Variants in SREBF1 observed in about 807,000 individuals in gnomAD.
SREBF1 encodes sterol regulatory element binding transcription factor 1.
Under a neutral mutation model 100.1 loss-of-function variants are expected in SREBF1, and 45 were observed. The observed-to-expected ratio is 0.45, with a 90% CI of 0.35 to 0.58. The LOEUF is 0.58. Ranked by LOEUF, SREBF1 falls within the 20% of genes least tolerant of loss-of-function variation. SREBF1 has a pLI of 0.00. For synonymous variants in SREBF1, 657 were observed against 681.8 expected, an observed-to-expected ratio of 0.96 and a Z score of 0.57; for missense variants, 1,324 against 1,539.4, an observed-to-expected ratio of 0.86 and a Z score of 2.34.
At position 17,811,595 on chromosome 17, in the gene SREBF1, C is replaced by T; in HGVS notation, c.*1027G>A. 1 of 401,990 alleles carries T rather than the reference C, an allele frequency of 2.5e-6. No homozygotes were observed. The highest frequency in any genetic ancestry group is 4.8e-6 in the Non-Finnish European group (1 of 207,754). The allele number at this position is 401,990 out of a possible 1,614,324, so 24.9% of individuals were successfully genotyped here. A position where few individuals can be genotyped will look rare whatever the true frequency, so the allele number is the denominator to read the frequency against. On this transcript the variant is annotated 3_prime_UTR_variant, in exon 19 of 19. Transcript: ENST00000261646. ...GCCTTTCACAGAACAGGAAACCTCC[C>T]CCGCCCCTGTGCCCCCTCTCCAGTG...
In SREBF1 at chr17:17,817,232, G is replaced by A. The variant is rs749484604; in HGVS notation, c.1606+24C>T. ...GCTCACCCCGAGTGTCCCTCCCAAAGATGCCCAGGCTGGCCGGTCCCACCT... is the reference window on the plus strand; with the variant it reads ...GCTCACCCCGAGTGTCCCTCCCAAAAATGCCCAGGCTGGCCGGTCCCACCT... On this transcript the variant is annotated intron_variant, in intron 8 of 18. Coordinates refer to ENST00000261646, the MANE Select transcript of SREBF1 (RefSeq NM_004176.5). The surrounding 1 kb of genome is among the most constrained non-coding windows in gnomAD (Gnocchi z 6.6). 5 of 1,608,432 alleles carry A rather than the reference G, an allele frequency of 3.1e-6. No homozygotes were observed. The highest frequency in any genetic ancestry group is 2.2e-5 in the South Asian group (2 of 90,662).
At chr17:17,819,508 C>G in intron 3 of SREBF1, 30 bp downstream of exon 3, 1 of 1,613,428 alleles carries the variant, frequency 6.2e-7, no homozygotes. Context: ...GGGGCTGCCC[C>G]CTCCCCAACC....
rs771570816 is a variant in SREBF1 at position 17,836,809 on chromosome 17, C to G, written c.9G>C (p.Glu3Asp). 1.4e-5 allele frequency: 22 copies of G among 1,538,246 alleles called. No homozygotes were observed. In the South Asian group the frequency reaches 2.5e-4, roughly 18 times the overall value. Residue 3 changes from glutamate (E) to aspartate (D), a missense_variant, in exon 1 of 19, where the codon GAG becomes GAC. Coordinates refer to ENST00000261646, the MANE Select transcript of SREBF1 (RefSeq NM_004176.5). MD[E>D]PPFSEAALEQ... ...CCAAAGCCGCCTCGCTGAAGGGTGG[C>G]TCGTCCATGGCGCAGCCGCCTCCTC...
rs138341129 is a variant in SREBF1 at position 17,829,045 on chromosome 17, T to A, written c.91+7682A>T. 3.3e-3 allele frequency among the ~76,000 whole-genome samples: 493 copies of A among 151,600 alleles called. 6 individuals carry two copies. Among genetic ancestry groups the A allele is most frequent in the African/African-American group, 0.011 (448 of 41,172 alleles). On this transcript the variant is annotated intron_variant, in intron 1 of 18. Transcript: ENST00000261646. The stretch of plus-strand genomic sequence containing the variant: ...CAGCCTCTACTAAAAATACAAAAAT[T>A]AGCTGGGCGTGGTGGTATGTGCCTA...
intron 1 of SREBF1, among the ~76,000 whole-genome samples, chr17:17,828,858 G>A (rs200324670): frequency 4.6e-5 from 7 of 152,064 alleles, no homozygotes; most frequent in East Asian, 1.9e-4. Context: ...ACATTGCAGC[G>A]AGCTGTGATT....
At chr17:17,831,367 G>A (rs1293353515) in intron 1 of SREBF1, among the ~76,000 whole-genome samples, 1 of 152,002 alleles carries the variant, frequency 6.6e-6, no homozygotes, top group Non-Finnish European at 1.5e-5. Context: ...GGCTGGGCTG[G>A]GCATGCTGGG....
chr17:17,814,365 C>T lies in SREBF1; in HGVS notation c.2781G>A (p.Arg927=). The T allele has an allele frequency of 1.9e-6, 3 of 1,569,726 alleles. No homozygotes were observed. The highest frequency in any genetic ancestry group is 2.6e-6 in the Non-Finnish European group (3 of 1,157,230). The change falls in exon 16 of 19, where the codon CGG becomes CGA. Residue 927 remains arginine (R), a synonymous_variant. Coordinates refer to ENST00000261646, the MANE Select transcript of SREBF1 (RefSeq NM_004176.5). The part of the protein sequence containing the change: ...RAALHSFKAA[R]ALLGCAKAES... ...CTGCCTTGGCACAGCCCAGCAGGGC[C>T]CGGGCAGCCTTGAAGGAGTGCAGAG...
At position 17,817,011 on chromosome 17, in the gene SREBF1, G is replaced by A. The variant is rs534953196; in HGVS notation, c.1732C>T (p.Pro578Ser). The A allele has an allele frequency of 1.9e-6, 3 of 1,613,130 alleles. No homozygotes were observed. The highest frequency in any genetic ancestry group is 2.7e-5 in the African/African-American group (2 of 75,068). The stretch of plus-strand genomic sequence containing the variant: ...CGATGCCTCCAGAAGTACACGGCGG[G>A]GCCTGAGTGGGGCCGTGTGACTGGC... ...GEPVTRPHSG[P>S]AVYFWRHRKQ... is the part of the protein sequence containing the mutation. The change falls in exon 9 of 19, where the codon CCC becomes TCC. Residue 578 changes from proline (P) to serine (S), a missense_variant. By Grantham distance (74) the Pro-to-Ser change is moderately conservative. Coordinates refer to ENST00000261646, the MANE Select transcript of SREBF1 (RefSeq NM_004176.5). The surrounding 1 kb of genome is among the most constrained non-coding windows in gnomAD (Gnocchi z 6.6).
In SREBF1 at chr17:17,820,387, G is replaced by A. The variant is rs1182356197; in HGVS notation, c.226C>T (p.Pro76Ser). 6.2e-7 allele frequency: 1 copy of A among 1,612,522 alleles called. No individual in the cohort carries two copies. The highest frequency in any genetic ancestry group is 1.3e-5 in the African/African-American group (1 of 74,894). Residue 76 changes from proline (P) to serine (S), a missense_variant, in exon 2 of 19, where the codon CCT (proline) becomes TCT (serine). Coordinates refer to ENST00000261646, the MANE Select transcript of SREBF1 (RefSeq NM_004176.5). ...TCAAGAGAGGAGCTCAATGTGGCAG[G>A]AGGTGGAGACAAGCTGCCTGGGGAG... Reference protein sequence around the residue: ...TSSPGSLSPPPATLSSSLEAF... With the variant: ...TSSPGSLSPPSATLSSSLEAF...
At position 17,813,701 on chromosome 17, in the gene SREBF1, G is replaced by A. The variant is rs1246583259; in HGVS notation, c.2970C>T (p.Pro990=). The change falls in exon 17 of 19, where the codon CCC becomes CCT. Residue 990 remains proline (P), a synonymous_variant. Transcript: ENST00000261646. ...CCTGGGCTGCTGGGGCCGGGGCCGGGGGCTGCTGCTGCCGCCACAGGCTGG... is the reference window on the plus strand; with the variant it reads ...CCTGGGCTGCTGGGGCCGGGGCCGGAGGCTGCTGCTGCCGCCACAGGCTGG... ...VRTSLWRQQQ[P]PAPAPAAQGT... 1.3e-6 allele frequency: 2 copies of A among 1,538,454 alleles called. No homozygotes were observed. Among genetic ancestry groups the A allele is most frequent in the Non-Finnish European group, 1.7e-6 (2 of 1,148,410 alleles).
In SREBF1 at chr17:17,824,528, C is replaced by T. The variant is rs1382986523; in HGVS notation, c.92-4007G>A. On this transcript the variant is annotated intron_variant, in intron 1 of 18. Coordinates refer to ENST00000261646, the MANE Select transcript of SREBF1 (RefSeq NM_004176.5). This position sits in a 1 kb window ranked among gnomAD's most constrained non-coding sequence, Gnocchi z 4.2. Reference sequence around the variant, plus strand: ...ATGGGTAAGGAAGGGGTGACAGGCTCTAGGGTTCTTTTGAGGAGGTGCCTG... The same window carrying T: ...ATGGGTAAGGAAGGGGTGACAGGCTTTAGGGTTCTTTTGAGGAGGTGCCTG... 6.6e-6 allele frequency among the ~76,000 whole-genome samples: 1 copy of T among 152,164 alleles called. No homozygotes were observed. The highest frequency in any genetic ancestry group is 1.5e-5 in the Non-Finnish European group (1 of 68,030).
At chr17:17,832,528 A>G (rs976671296) in intron 1 of SREBF1, among the ~76,000 whole-genome samples, 4 of 151,778 alleles carry the variant, frequency 2.6e-5, no homozygotes, top group Non-Finnish European at 5.9e-5. Context: ...GCTCAGCTCC[A>G]CTCCTGGTAG....
intron 1 of SREBF1, among the ~76,000 whole-genome samples, chr17:17,829,205 A>AAAAAAAAAAAAAATATATATAT (rs1210718799): frequency 9.1e-5 from 6 of 65,850 alleles, no homozygotes; most frequent in African/African-American, 5.3e-4. Flanking sequence ...AAAAAAAAAA[A>AAAAAAAAAAAAAATATATATAT]ATATATATAT....
chr17:17,814,164 C>G lies in SREBF1; in HGVS notation c.2901+81G>C, dbSNP rs1598110943. ...GGGCTAACCCCATGGTCTTCTGCAGCCCCTGGGGGCTGGGGAGAGGAACCA... is the reference window on the plus strand; with the variant it reads ...GGGCTAACCCCATGGTCTTCTGCAGGCCCTGGGGGCTGGGGAGAGGAACCA... On this transcript the variant is annotated intron_variant, in intron 16 of 18. Coordinates refer to ENST00000261646, the MANE Select transcript of SREBF1 (RefSeq NM_004176.5). 2.0e-6 allele frequency: 3 copies of G among 1,467,492 alleles called. No individual in the cohort carries two copies. In the East Asian group the frequency reaches 7.3e-5, roughly 36 times the overall value. 90.9% of individuals were successfully genotyped at this position (1,467,492 alleles called of 1,614,324 possible). A position where few individuals can be genotyped will look rare whatever the true frequency, so the allele number is the denominator to read the frequency against.
At chr17:17,820,613 AC>A in intron 1 of SREBF1, 92 bp from the exon 2 acceptor site, 3 of 1,374,124 alleles carry the variant, frequency 2.2e-6, no homozygotes, top group Non-Finnish European at 3.0e-6. Context: ...TATTTGCACA[AC>A]CCTTGTTGGC....
In SREBF1 at chr17:17,817,006, G is replaced by A. The variant is rs757702864; in HGVS notation, c.1737C>T (p.Ala579=). The A allele has an allele frequency of 3.9e-5, 63 of 1,612,990 alleles. No homozygotes were observed. The highest frequency in any genetic ancestry group is 8.0e-5 in the African/African-American group (6 of 74,944). Reference sequence around the variant, plus strand: ...GCTTGCGATGCCTCCAGAAGTACACGGCGGGGCCTGAGTGGGGCCGTGTGA... The same window carrying A: ...GCTTGCGATGCCTCCAGAAGTACACAGCGGGGCCTGAGTGGGGCCGTGTGA... ...EPVTRPHSGP[A]VYFWRHRKQA... Residue 579 remains alanine (A), a synonymous_variant, in exon 9 of 19, where the codon GCC becomes GCT. Transcript: ENST00000261646. This position sits in a 1 kb window ranked among gnomAD's most constrained non-coding sequence, Gnocchi z 6.6.
chr17:17,813,082 A>G (rs2033108754), intron 18 of SREBF1: 1 of 602,000 alleles, frequency 1.7e-6, no homozygotes, highest in Non-Finnish European at 2.9e-6. Context: ...CACCCCACTG[A>G]TTCCTTGTGA....
At chr17:17,823,491 G>A (rs761557831) in intron 1 of SREBF1, 5 of 1,543,292 alleles carry the variant, frequency 3.2e-6, no homozygotes, top group African/African-American at 1.4e-5. Flanking sequence ...TTGTATAAAG[G>A]GCTGGTGGGG....
intron 1 of SREBF1, among the ~76,000 whole-genome samples, chr17:17,829,191 T>TAAAAAAAAAAAAAAAAAAAAA (rs1253225038): frequency 2.2e-5 from 1 of 44,964 alleles, no homozygotes; most frequent in African/African-American, 1.2e-4. Flanking sequence ...GACTCCATCT[T>TAAAAAAAAAAAAAAAAAAAAA]AAAAAAAAAA....
Sources: allele counts gnomAD v4.1 joint callset (sites outside exome capture counted in the v4.1 genomes callset), GRCh38; gene constraint gnomAD v4.1.1; non-coding constraint Gnocchi (gnomAD v3.1); transcripts MANE v1.5; gene names NCBI Gene and HGNC (gene_info 2026-07-23, HGNC 2026-07-21).